AGBL4: variants seen among roughly 807,000 people sequenced by gnomAD.
The protein encoded by AGBL4 is cytosolic carboxypeptidase 6.
A neutral mutation model predicts 66.4 loss-of-function variants in AGBL4; 58 were observed. That is an observed-to-expected ratio of 0.87 (90% CI 0.71 to 1.09). The LOEUF (loss-of-function observed/expected upper bound fraction) is 1.09. AGBL4 is among the 50% of genes least tolerant of loss of function. The pLI, the probability that AGBL4 is intolerant of heterozygous loss-of-function variation, is 0.00. For synonymous variants in AGBL4, 234 were observed against 222.9 expected (o/e 1.05, Z -0.44); for missense variants, 579 against 631.0 (o/e 0.92, Z 0.88).
intron 1 of AGBL4, among the ~76,000 whole-genome samples, chr1:49,911,877 T>C (rs563137624): frequency 6.6e-6 from 1 of 152,310 alleles, no homozygotes; most frequent in East Asian, 1.9e-4. Context: ...AATCTTAAAG[T>C]TGCCTGTGCT....
chr1:49,661,425 G>C (rs946137191), intron 3 of AGBL4, among the ~76,000 whole-genome samples: 1 of 152,088 alleles, frequency 6.6e-6, no homozygotes, highest in African/African-American at 2.4e-5. Context: ...GTGGTAATGA[G>C]TGAGATCTCA....
At chr1:49,289,579 T>G (rs1011168791) in intron 3 of AGBL4, among the ~76,000 whole-genome samples, 4 of 152,218 alleles carry the variant, frequency 2.6e-5, no homozygotes, top group Non-Finnish European at 5.9e-5. Context: ...TGTAGTTCAT[T>G]GACAGTTATA....
intron 6 of AGBL4, among the ~76,000 whole-genome samples, chr1:48,739,239 C>T (rs1649536482): frequency 2.0e-5 from 3 of 152,214 alleles, no homozygotes; most frequent in South Asian, 2.1e-4. Context: ...CCCTTCAACC[C>T]GCCCATCCTA....
At chr1:48,663,006 T>C (rs1053397454) in intron 7 of AGBL4, 146 bp downstream of exon 7, 2 of 688,656 alleles carry the variant, frequency 2.9e-6, no homozygotes, top group Admixed American at 2.7e-5. Flanking sequence ...TAAAACCTAA[T>C]GGAGATCAGG....
chr1:48,992,789 A>G (rs1660703414), intron 5 of AGBL4, among the ~76,000 whole-genome samples: 1 of 152,066 alleles, frequency 6.6e-6, no homozygotes, highest in South Asian at 2.1e-4. Flanking sequence ...GAGTACTGCC[A>G]GACTACCACT....
intron 4 of AGBL4, among the ~76,000 whole-genome samples, chr1:49,077,623 AC>A (rs761259795): frequency 6.6e-6 from 1 of 152,344 alleles, no homozygotes; most frequent in African/African-American, 2.4e-5. Context: ...AGTTTCAGAA[AC>A]AAAAATAACT....
At chr1:49,016,992 C>T (rs1192221546) in intron 5 of AGBL4, among the ~76,000 whole-genome samples, 1 of 152,188 alleles carries the variant, frequency 6.6e-6, no homozygotes, top group African/African-American at 2.4e-5. Context: ...CCTGACTGTT[C>T]CAAGGTCTTT....
At chr1:49,307,572 A>G (rs1015154565) in intron 3 of AGBL4, among the ~76,000 whole-genome samples, 1 of 152,198 alleles carries the variant, frequency 6.6e-6, no homozygotes, top group Admixed American at 6.5e-5. Context: ...TTGAGAACAT[A>G]GAACATATTT....
intron 5 of AGBL4, among the ~76,000 whole-genome samples, chr1:49,011,254 T>C (rs922567480): frequency 2.6e-5 from 4 of 152,156 alleles, no homozygotes; most frequent in African/African-American, 7.2e-5. Context: ...AGAAGATATT[T>C]ATGCAGCCAA....
intron 3 of AGBL4, among the ~76,000 whole-genome samples, chr1:49,282,304 T>C (rs1644291873): frequency 6.6e-6 from 1 of 152,220 alleles, no homozygotes; most frequent in African/African-American, 2.4e-5. Context: ...TTTTTTGTTT[T>C]ACACTATGAT....
intron 6 of AGBL4, among the ~76,000 whole-genome samples, chr1:48,818,879 G>A (rs946831971): frequency 2.0e-5 from 3 of 152,124 alleles, no homozygotes; most frequent in African/African-American, 7.2e-5. Flanking sequence ...TGATTGGCAA[G>A]CAGAGGAAAT....
chr1:49,804,124 T>C (rs1173509056), intron 2 of AGBL4, among the ~76,000 whole-genome samples: 1 of 152,174 alleles, frequency 6.6e-6, no homozygotes, highest in Non-Finnish European at 1.5e-5. Context: ...CTTAAAATCT[T>C]AAACCATAAT....
intron 1 of AGBL4, among the ~76,000 whole-genome samples, chr1:49,957,797 T>C (rs1379097928): frequency 3.3e-5 from 5 of 152,208 alleles, no homozygotes; most frequent in Non-Finnish European, 7.4e-5. Context: ...CACTGATGGA[T>C]CTTGACTGTT....
chr1:49,762,707 C>T (rs779450415), intron 2 of AGBL4, among the ~76,000 whole-genome samples: 4 of 152,108 alleles, frequency 2.6e-5, no homozygotes, highest in Non-Finnish European at 4.4e-5. Context: ...CCACTGCACC[C>T]GGCCGTGTTG....
intron 3 of AGBL4, among the ~76,000 whole-genome samples, chr1:49,361,822 A>G (rs1405983789): frequency 6.6e-6 from 1 of 152,012 alleles, no homozygotes; most frequent in Non-Finnish European, 1.5e-5. Context: ...AGCTGATTGT[A>G]CCCAGTCTCA....
chr1:49,680,750 T>C (rs540019971), intron 3 of AGBL4, among the ~76,000 whole-genome samples: 1 of 152,272 alleles, frequency 6.6e-6, no homozygotes, highest in East Asian at 1.9e-4. Context: ...GGTTTATGTA[T>C]TTGCTATGAT....
At chr1:49,378,339 T>A (rs1183100586) in intron 3 of AGBL4, among the ~76,000 whole-genome samples, 1 of 152,082 alleles carries the variant, frequency 6.6e-6, no homozygotes, top group Non-Finnish European at 1.5e-5. Context: ...GTAATCTATA[T>A]CCCACCTCTT....
rs1394512289 is a variant in AGBL4, at chr1:48,736,747, G to A, written c.635-73506C>T. ...GGAAACACCGGTTCAGACAGGTGAG[G>A]TGACTTGCTGAACATCATTCAACTA... is the stretch of plus-strand genomic sequence containing the variant. On this transcript the variant is annotated intron_variant, in intron 6 of 13. Transcript: ENST00000371839. This position sits in a 1 kb window ranked among gnomAD's most constrained non-coding sequence, Gnocchi z 4.0. Among the ~76,000 whole-genome samples, 2 of 152,182 alleles carry A rather than the reference G, an allele frequency of 1.3e-5. No homozygotes were observed. The highest frequency in any genetic ancestry group is 2.9e-5 in the Non-Finnish European group (2 of 68,036).
intron 3 of AGBL4, among the ~76,000 whole-genome samples, chr1:49,257,154 GA>G (rs1178804811): frequency 1.3e-5 from 2 of 151,712 alleles, no homozygotes; most frequent in African/African-American, 4.8e-5. Flanking sequence ...AAATGAAAAT[GA>G]AAGTCAATGA....
Sources: allele counts gnomAD v4.1 joint callset (sites outside exome capture counted in the v4.1 genomes callset), GRCh38; gene constraint gnomAD v4.1.1; non-coding constraint Gnocchi (gnomAD v3.1); transcripts MANE v1.5; gene names NCBI Gene and HGNC (gene_info 2026-07-23, HGNC 2026-07-21).